FHIT: variants seen among roughly 807,000 people sequenced by gnomAD.
FHIT encodes bis(5'-adenosyl)-triphosphatase.
In FHIT, 19 loss-of-function variants were observed where a neutral mutation model predicts 17.9. The observed-to-expected ratio is 1.06, with a 90% confidence interval of 0.74 to 1.56. The LOEUF is 1.56. Among genes scored for constraint, FHIT ranks in the 40% most tolerant of loss-of-function variants. The pLI is 0.00. For missense variants in FHIT, 248 were observed against 189.2 expected, an observed-to-expected ratio of 1.31 and a Z score of -1.82; for synonymous variants, 81 against 69.7, an observed-to-expected ratio of 1.16 and a Z score of -0.81.
chr3:60,423,687 G>T (rs1309132508), intron 5 of FHIT, among the ~76,000 whole-genome samples: 1 of 152,038 alleles, frequency 6.6e-6, no homozygotes, highest in Non-Finnish European at 1.5e-5. Context: ...TTCAAAAATT[G>T]TTAAAGCTAC....
chr3:60,204,453 T>TC (rs148487698), intron 5 of FHIT, among the ~76,000 whole-genome samples: 1 of 141,146 alleles, frequency 7.1e-6, no homozygotes, highest in South Asian at 2.2e-4. Flanking sequence ...GGTTTTTTTT[T>TC]TTTTGTTTTG....
At chr3:60,660,727 C>CTTTTTTTTTTTTTTTTTTT (rs1220817643) in intron 4 of FHIT, among the ~76,000 whole-genome samples, 5 of 16,758 alleles carry the variant, frequency 3.0e-4, no homozygotes, top group African/African-American at 4.1e-4. Context: ...TTTTATTGTG[C>CTTTTTTTTTTTTTTTTTTT]TCTTTTTTTT....
At chr3:60,128,776 A>G (rs1699377026) in intron 5 of FHIT, among the ~76,000 whole-genome samples, 1 of 152,152 alleles carries the variant, frequency 6.6e-6, no homozygotes, top group Non-Finnish European at 1.5e-5. Context: ...CATTCCATGT[A>G]TGCTCAATGA....
chr3:61,203,120 C>T (rs1294221917), intron 1 of FHIT, among the ~76,000 whole-genome samples: 1 of 145,626 alleles, frequency 6.9e-6, no homozygotes, highest in East Asian at 2.0e-4. Flanking sequence ...GCGGGGCTTG[C>T]AGTGAGCAGA....
chr3:60,488,857 TAA>T (rs1487026260), intron 5 of FHIT, among the ~76,000 whole-genome samples: 1 of 152,216 alleles, frequency 6.6e-6, no homozygotes, highest in African/African-American at 2.4e-5. Flanking sequence ...AACTTGGTGT[TAA>T]GTTTTTATGT....
intron 7 of FHIT, among the ~76,000 whole-genome samples, chr3:59,996,337 C>G (rs1443514215): frequency 6.6e-6 from 1 of 151,998 alleles, no homozygotes; most frequent in Admixed American, 6.6e-5. Context: ...TGTGACTTGC[C>G]TCAAGATTCA....
rs10553211 is a variant in FHIT at position 60,504,430 on chromosome 3, C to CAA, written c.103+32428_103+32429dup. Among the ~76,000 whole-genome samples the CAA allele has an allele frequency of 3.2e-3, 464 of 146,116 alleles. 6 individuals carry two copies. Among genetic ancestry groups the CAA allele is most frequent in the East Asian group, 0.031 (151 of 4,944 alleles). ...CTGGCGACAGAACGAGACCCCGTCTCAAAAAAAAAAAAATTTTTTTTTTGG... is the reference window on the plus strand; with the variant it reads ...CTGGCGACAGAACGAGACCCCGTCTCAAAAAAAAAAAAAAATTTTTTTTTTGG... On this transcript the variant is annotated intron_variant, in intron 5 of 9. Transcript: ENST00000492590.
chr3:60,818,170 A>C (rs1409495199), intron 4 of FHIT, among the ~76,000 whole-genome samples: 13 of 152,044 alleles, frequency 8.6e-5, no homozygotes, highest in African/African-American at 2.7e-4. Flanking sequence ...TTATTTGTGG[A>C]GCATGGTTAA....
At chr3:59,925,648 C>G (rs1705623521) in intron 7 of FHIT, among the ~76,000 whole-genome samples, 1 of 152,210 alleles carries the variant, frequency 6.6e-6, no homozygotes, top group African/African-American at 2.4e-5. Flanking sequence ...AAAAGCCACT[C>G]TTGATCACTG....
intron 4 of FHIT, among the ~76,000 whole-genome samples, chr3:60,565,410 T>G (rs1351739995): frequency 1.3e-5 from 2 of 152,166 alleles, no homozygotes; most frequent in Admixed American, 1.3e-4. Flanking sequence ...CAAGAATTCA[T>G]AAACAATACA....
chr3:60,428,848 C>T (rs1559905450), intron 5 of FHIT, among the ~76,000 whole-genome samples: 2 of 152,186 alleles, frequency 1.3e-5, no homozygotes, highest in South Asian at 4.2e-4. Context: ...TAGTGTTGTT[C>T]ACCTCATCAC....
intron 1 of FHIT, among the ~76,000 whole-genome samples, chr3:61,232,866 ATAT>A (rs1448090029): frequency 3.3e-5 from 5 of 152,248 alleles, no homozygotes; most frequent in Non-Finnish European, 7.3e-5. Context: ...ATGGAACATT[ATAT>A]AACAGTCAAA....
rs549650692 is a variant in FHIT at position 60,664,733 on chromosome 3, G to A, written c.-17-127754C>T. On this transcript the variant is annotated intron_variant, in intron 4 of 9. Transcript: ENST00000492590. ...GTTTTTTTTTTTTTTTTAGAAATTG[G>A]TCTATTTCTTCTATGTTCGTTGAAT... 1.3e-4 allele frequency among the ~76,000 whole-genome samples: 19 copies of A among 148,124 alleles called. No homozygotes were observed. In the East Asian group the frequency reaches 3.5e-3, roughly 28 times the overall value.
chr3:61,072,749 C>T (rs1026482141), intron 2 of FHIT, among the ~76,000 whole-genome samples: 1 of 151,674 alleles, frequency 6.6e-6, no homozygotes, highest in Non-Finnish European at 1.5e-5. Context: ...CTGAAAGGAT[C>T]GTAAGTGATA....
At chr3:60,707,094 C>G (rs1388689845) in intron 4 of FHIT, among the ~76,000 whole-genome samples, 1 of 152,134 alleles carries the variant, frequency 6.6e-6, no homozygotes, top group African/African-American at 2.4e-5. Flanking sequence ...GTGACTATGA[C>G]AAAATATTTC....
intron 5 of FHIT, among the ~76,000 whole-genome samples, chr3:60,416,853 G>A (rs1351302121): frequency 2.0e-5 from 3 of 152,108 alleles, no homozygotes; most frequent in East Asian, 3.9e-4. Context: ...TTGGGAGGCC[G>A]AGGCGGGAGG....
chr3:61,044,329 G>A (rs1359473734), intron 2 of FHIT, among the ~76,000 whole-genome samples: 1 of 152,182 alleles, frequency 6.6e-6, no homozygotes, highest in Non-Finnish European at 1.5e-5. Context: ...AGAACTACAT[G>A]ACACATGCAC....
chr3:60,680,976 TAGA>T (rs1455449079), intron 4 of FHIT, among the ~76,000 whole-genome samples: 3 of 152,252 alleles, frequency 2.0e-5, no homozygotes, highest in Non-Finnish European at 2.9e-5. Flanking sequence ...ATGTTAATTG[TAGA>T]AGTCATCAAG....
Position 60,789,156 on chromosome 3 carries a change from G to GTGTA in FHIT, c.-18+32762_-18+32763insTACA, listed in dbSNP as rs1286564492. 5.1e-3 allele frequency among the ~76,000 whole-genome samples: 670 copies of GTGTA among 131,080 alleles called. 5 individuals carry two copies. Among genetic ancestry groups the GTGTA allele is most frequent in the African/African-American group, 0.019 (628 of 32,802 alleles). 86.0% of individuals were successfully genotyped at this position (131,080 alleles called of 152,430 possible). ...TATAGAGAGAGATGTGTGTGTGTGT[G>GTGTA]TATATATATATATATATATAGAGAG... On this transcript the variant is annotated intron_variant, in intron 4 of 9. Transcript: ENST00000492590.
Sources: gnomAD v4.1 joint callset for allele counts (sites outside exome capture counted in the v4.1 genomes callset) on GRCh38, gnomAD v4.1.1 for gene constraint, MANE v1.5 for transcripts, NCBI Gene and HGNC (gene_info 2026-07-23, HGNC 2026-07-21) for gene names.